MAOB: variants seen among roughly 807,000 people sequenced by gnomAD.
MAOB encodes the protein monoamine oxidase B, also known as amine oxidase [flavin-containing] B.
MAOB carries 15 observed loss-of-function variants against 41.9 expected under a neutral mutation model. The observed-to-expected ratio is 0.36, with a 90% confidence interval of 0.24 to 0.55. The LOEUF (loss-of-function observed/expected upper bound fraction) is 0.55. Among genes scored for constraint, MAOB ranks in the 20% least tolerant of loss-of-function variants. The probability of loss-of-function intolerance (pLI) is 0.86; values close to 1 mark genes in which losing one functional copy is unlikely to be tolerated. For missense variants in MAOB, 345 were observed against 398.7 expected (o/e 0.87, Z 1.15); for synonymous variants, 167 against 144.2 (o/e 1.16, Z -1.13).
chrX:43,826,357 T>A (rs1264770812), intron 3 of MAOB, among the ~76,000 whole-genome samples: 2 of 111,810 alleles, frequency 1.8e-5, no homozygotes, highest in African/African-American at 6.5e-5. Context: ...TCTGCCCAAT[T>A]GTGCTCTAAA....
intron 2 of MAOB, among the ~76,000 whole-genome samples, chrX:43,840,714 G>A (rs1338256772): frequency 1.8e-5 from 2 of 110,270 alleles, no homozygotes; most frequent in Non-Finnish European, 3.8e-5. Flanking sequence ...CCTAGCCAAG[G>A]GAAGCTGTGA....
intron 5 of MAOB, 25 bp downstream of exon 5, chrX:43,802,147 G>A: frequency 8.7e-7 from 1 of 1,151,359 alleles, no homozygotes; most frequent in Non-Finnish European, 1.2e-6. Context: ...CACAGTAAAT[G>A]CCTGTGCCTA....
chrX:43,882,384 G>C lies in MAOB; in HGVS notation c.-85C>G, dbSNP rs2035479309. On this transcript the variant is annotated 5_prime_UTR_variant, in exon 1 of 15. Transcript: ENST00000378069. Reference sequence around the variant, plus strand: ...CCCAGTCCTGCCTGCCAGCCAGCCCGCCCGCCTGCCCGCCGGCCTGCTGCG... The same window carrying C: ...CCCAGTCCTGCCTGCCAGCCAGCCCCCCCGCCTGCCCGCCGGCCTGCTGCG... 3.8e-5 allele frequency: 42 copies of C among 1,113,888 alleles called. No homozygotes were observed. The South Asian group carries it at 8.6e-4, about 23-fold the overall frequency. 91.8% of individuals were successfully genotyped at this position (1,113,888 alleles called of 1,213,427 possible).
At position 43,802,173 on chromosome X, in the gene MAOB, C is replaced by G; in HGVS notation, c.475G>C (p.Glu159Gln). ...KELLDKLCWT[E>Q]SAKQLATLFV... The stretch of plus-strand genomic sequence containing the variant: ...CCTGTGCCTAATGGCAAGACTTACT[C>G]AGTCCAGCAGAGCTTGTCCAGTAGC... Residue 159 changes from glutamate (E) to glutamine (Q), a missense_variant and splice_region_variant, in exon 5 of 15, where the codon GAA becomes CAA. Transcript: ENST00000378069. 3 of 1,202,645 alleles carry G rather than the reference C, an allele frequency of 2.5e-6. No homozygotes were observed. Among genetic ancestry groups the G allele is most frequent in the Non-Finnish European group, 3.4e-6 (3 of 888,933 alleles).
At chrX:43,767,742 G>T in intron 14 of MAOB, 124 bp from the exon 15 acceptor site, 1 of 574,956 alleles carries the variant, frequency 1.7e-6, no homozygotes, top group Non-Finnish European at 2.7e-6. Flanking sequence ...TAAACACGAT[G>T]TTCCCTCTGC....
intron 3 of MAOB, among the ~76,000 whole-genome samples, chrX:43,809,277 A>G (rs2034711653): frequency 1.8e-5 from 2 of 112,306 alleles, no homozygotes; most frequent in Non-Finnish European, 3.8e-5. Flanking sequence ...CAATGGTGTC[A>G]AAGACCAGCT....
chrX:43,777,572 T>C (rs1420797624), intron 11 of MAOB, among the ~76,000 whole-genome samples: 2 of 111,123 alleles, frequency 1.8e-5, no homozygotes, highest in Non-Finnish European at 1.9e-5. Flanking sequence ...TGAACAAAAA[T>C]GACAAATTTG....
At chrX:43,816,854 G>A (rs1002746844) in intron 3 of MAOB, among the ~76,000 whole-genome samples, 1 of 111,576 alleles carries the variant, frequency 9.0e-6, no homozygotes, top group Non-Finnish European at 1.9e-5. Context: ...CTGATGTGCT[G>A]TGCCAGGCTG....
chrX:43,868,921 A>G (rs1160482103), intron 1 of MAOB, among the ~76,000 whole-genome samples: 3 of 110,795 alleles, frequency 2.7e-5, no homozygotes, highest in Non-Finnish European at 5.7e-5. Context: ...CATTCCTAGC[A>G]CTTAGCACAC....
intron 1 of MAOB, among the ~76,000 whole-genome samples, chrX:43,878,375 G>A (rs2035453329): frequency 9.4e-6 from 1 of 105,991 alleles, no homozygotes; most frequent in Non-Finnish European, 1.9e-5. Context: ...CAGAGTAGCT[G>A]GGACTACAGG....
chrX:43,819,641 G>A (rs1569221601), intron 3 of MAOB, among the ~76,000 whole-genome samples: 1 of 112,017 alleles, frequency 8.9e-6, no homozygotes, highest in African/African-American at 3.3e-5. Context: ...ACAGCAGCCT[G>A]TAGCAATGTC....
At chrX:43,838,788 C>A in intron 3 of MAOB, 80 bp downstream of exon 3, 1 of 962,042 alleles carries the variant, frequency 1.0e-6, no homozygotes, top group Non-Finnish European at 1.4e-6. Context: ...AGAAGATTCT[C>A]TGAGAGAATG....
chrX:43,825,930 T>A (rs1402552888), intron 3 of MAOB, among the ~76,000 whole-genome samples: 1 of 112,446 alleles, frequency 8.9e-6, no homozygotes, highest in Non-Finnish European at 1.9e-5. Context: ...GTCCATGTTT[T>A]ATAGCCTTTT....
intron 13 of MAOB, 135 bp from the exon 14 acceptor site, chrX:43,768,851 C>A (rs1481909686): frequency 9.4e-6 from 5 of 530,979 alleles, no homozygotes; most frequent in Non-Finnish European, 1.6e-5. Flanking sequence ...ACACTCCATA[C>A]AACCTTTAAG....
chrX:43,822,480 C>T (rs896597720), intron 3 of MAOB, among the ~76,000 whole-genome samples: 48 of 111,079 alleles, frequency 4.3e-4, no homozygotes, highest in African/African-American at 1.5e-3. Flanking sequence ...GAAGACTAGT[C>T]GAGAGATGAC....
chrX:43,767,874 A>G (rs1390761203), intron 14 of MAOB, among the ~76,000 whole-genome samples: 1 of 111,775 alleles, frequency 8.9e-6, no homozygotes, highest in Non-Finnish European at 1.9e-5. Context: ...TGTCTTCTTC[A>G]CTGTTCTGTA....
At chrX:43,838,122 C>T (rs114269282) in intron 3 of MAOB, 118 of 242,940 alleles carry the variant, frequency 4.9e-4, no homozygotes, top group African/African-American at 3.2e-3. Context: ...TTCCCCCGCC[C>T]ACCAAACCCA....
chrX:43,850,595 A>G (rs1347629288), intron 1 of MAOB: 1 of 294,126 alleles, frequency 3.4e-6, no homozygotes, highest in African/African-American at 2.9e-5. Context: ...ATTGAGAAGC[A>G]ATGTTTAGAA....
chrX:43,770,132 T>C (rs1349343367), intron 12 of MAOB, among the ~76,000 whole-genome samples: 1 of 111,145 alleles, frequency 9.0e-6, no homozygotes, highest in African/African-American at 3.3e-5. Context: ...TCTTTGGAGA[T>C]TGCCTCTGCT....
Sources: allele counts gnomAD v4.1 joint callset (sites outside exome capture counted in the v4.1 genomes callset), GRCh38; gene constraint gnomAD v4.1.1; transcripts MANE v1.5; gene names NCBI Gene and HGNC (gene_info 2026-07-23, HGNC 2026-07-21).